MTHFD1L: variants seen among roughly 807,000 people sequenced by gnomAD.
The protein encoded by MTHFD1L is monofunctional C1-tetrahydrofolate synthase, mitochondrial.
MTHFD1L carries 81 observed loss-of-function variants against 119.5 expected under a neutral mutation model. The ratio of observed to expected loss-of-function variants is 0.68; its 90% CI spans 0.57 to 0.82. The LOEUF (loss-of-function observed/expected upper bound fraction) is 0.82, where lower values mean the gene tolerates loss of function less well. Among genes scored for constraint, MTHFD1L ranks in the 40% least tolerant of loss-of-function variants. MTHFD1L has a pLI of 0.00. For synonymous variants in MTHFD1L, 430 were observed against 475.2 expected (o/e 0.90, Z 1.24); for missense variants, 1,125 against 1,253.4 (o/e 0.90, Z 1.55).
At chr6:150,944,265 G>A (rs1351401295) in intron 13 of MTHFD1L, among the ~76,000 whole-genome samples, 1 of 152,174 alleles carries the variant, frequency 6.6e-6, no homozygotes. Context: ...AGGCAACATA[G>A]CAAGACCCCC....
Position 151,039,141 on chromosome 6 carries a change from T to C in MTHFD1L, c.2847+2024T>C, listed in dbSNP as rs1297002088. On this transcript the variant is annotated intron_variant, in intron 26 of 27. Coordinates refer to ENST00000367321, the MANE Select transcript of MTHFD1L (RefSeq NM_015440.5). The surrounding 1 kb of genome is among the most constrained non-coding windows in gnomAD (Gnocchi z 4.4). ...AAACACCCACGTTAATGCAGCCGAC[T>C]CCTAGCAGGGGTGCCTTCCAGGAGG... 1.3e-5 allele frequency among the ~76,000 whole-genome samples: 2 copies of C among 152,104 alleles called. No homozygotes were observed. Among genetic ancestry groups the C allele is most frequent in the Non-Finnish European group, 2.9e-5 (2 of 68,026 alleles).
At chr6:150,914,316 T>C (rs1420682362) in intron 8 of MTHFD1L, among the ~76,000 whole-genome samples, 1 of 152,050 alleles carries the variant, frequency 6.6e-6, no homozygotes, top group Non-Finnish European at 1.5e-5. Context: ...TGTTTTTAAT[T>C]ACTTGTAATT....
chr6:151,054,163 C>T (rs1186495980), intron 26 of MTHFD1L, among the ~76,000 whole-genome samples: 1 of 152,068 alleles, frequency 6.6e-6, no homozygotes, highest in African/African-American at 2.4e-5. Flanking sequence ...TGTTAGTTTT[C>T]ATTTGAGGCA....
intron 26 of MTHFD1L, among the ~76,000 whole-genome samples, chr6:151,054,384 T>G (rs1789557802): frequency 6.6e-6 from 1 of 152,106 alleles, no homozygotes; most frequent in African/African-American, 2.4e-5. Flanking sequence ...TTTGCAGCAT[T>G]GAAAAAACAC....
chr6:150,973,651 G>A (rs1776109584), intron 20 of MTHFD1L, among the ~76,000 whole-genome samples: 1 of 152,188 alleles, frequency 6.6e-6, no homozygotes, highest in African/African-American at 2.4e-5. Flanking sequence ...TAAAATACAT[G>A]TTATCATGGC....
intron 26 of MTHFD1L, among the ~76,000 whole-genome samples, chr6:151,080,566 G>A (rs1424515733): frequency 6.6e-6 from 1 of 152,218 alleles, no homozygotes; most frequent in East Asian, 1.9e-4. Context: ...GGAATTGAAG[G>A]TGCTAAAGCA....
At chr6:151,078,008 G>A (rs1341902676) in intron 26 of MTHFD1L, among the ~76,000 whole-genome samples, 9 of 124,350 alleles carry the variant, frequency 7.2e-5, no homozygotes, top group African/African-American at 2.4e-4. Context: ...AGCCAAGATC[G>A]CGCCACTGCA....
intron 25 of MTHFD1L, among the ~76,000 whole-genome samples, chr6:151,034,897 C>T (rs1265021033): frequency 6.6e-6 from 1 of 152,150 alleles, no homozygotes; most frequent in African/African-American, 2.4e-5. Context: ...CCACTCAGCC[C>T]TGAATGTTGA....
rs540878393 is a variant in MTHFD1L, at chr6:150,922,389, G to A, written c.1082+87G>A. The A allele has an allele frequency of 8.0e-6, 8 of 998,282 alleles. No individual in the cohort carries two copies. The Middle Eastern group carries it at 9.2e-4, about 115-fold the overall frequency. 61.8% of individuals were successfully genotyped at this position (998,282 alleles called of 1,614,324 possible). A position where few individuals can be genotyped will look rare whatever the true frequency, so the allele number is the denominator to read the frequency against. On this transcript the variant is annotated intron_variant, in intron 10 of 27. Transcript: ENST00000367321. Reference sequence around the variant, plus strand: ...TCATGGGGGAGAAGCACAACTCATGGTACTGTGGTTTTGATGGTAGATAAG... The same window carrying A: ...TCATGGGGGAGAAGCACAACTCATGATACTGTGGTTTTGATGGTAGATAAG...
At chr6:150,958,889 A>C (rs1158437400) in intron 17 of MTHFD1L, among the ~76,000 whole-genome samples, 2 of 152,164 alleles carry the variant, frequency 1.3e-5, no homozygotes, top group Non-Finnish European at 1.5e-5. Flanking sequence ...AAGATGTGAA[A>C]TTTTGTAATT....
intron 10 of MTHFD1L, among the ~76,000 whole-genome samples, chr6:150,923,509 CTTTATTTA>C (rs368593673): frequency 0.097 from 11,411 of 117,800 alleles, 813 homozygotes; most frequent in African/African-American, 0.21. Context: ...GTAACTGACA[CTTTATTTA>C]TTTATTTATT....
intron 7 of MTHFD1L, among the ~76,000 whole-genome samples, chr6:150,899,639 T>C (rs992647708): frequency 7.2e-5 from 11 of 152,210 alleles, no homozygotes; most frequent in African/African-American, 2.4e-4. Flanking sequence ...TCAATGTTCA[T>C]TTAATTTCAA....
chr6:151,041,080 A>G (rs964113282), intron 26 of MTHFD1L, among the ~76,000 whole-genome samples: 2 of 152,194 alleles, frequency 1.3e-5, no homozygotes, highest in African/African-American at 2.4e-5. Context: ...GTCAGTGCAC[A>G]GTGATGAAAT....
At chr6:151,071,419 C>T (rs186370381) in intron 26 of MTHFD1L, among the ~76,000 whole-genome samples, 19 of 152,184 alleles carry the variant, frequency 1.2e-4, no homozygotes, top group Admixed American at 8.5e-4. Flanking sequence ...ATGGGCTGAT[C>T]GTACTGCTCT....
chr6:151,061,571 A>G (rs1375103566), intron 26 of MTHFD1L, among the ~76,000 whole-genome samples: 2 of 152,190 alleles, frequency 1.3e-5, no homozygotes, highest in Non-Finnish European at 2.9e-5. Context: ...TTTCCTACAC[A>G]GTAGTGGATT....
chr6:150,944,352 G>A (rs900074757), intron 13 of MTHFD1L, 134 bp from the exon 14 acceptor site: 2 of 670,332 alleles, frequency 3.0e-6, no homozygotes, highest in Non-Finnish European at 2.6e-6. Context: ...GTAGGCTTAG[G>A]TGAGAGGATT....
chr6:150,930,450 C>G (rs758425632), intron 11 of MTHFD1L, among the ~76,000 whole-genome samples: 1 of 152,064 alleles, frequency 6.6e-6, no homozygotes, highest in Non-Finnish European at 1.5e-5. Flanking sequence ...AGAATTATTT[C>G]CTTTTTCTAA....
chr6:151,032,431 C>G lies in MTHFD1L; in HGVS notation c.2587-2062C>G, dbSNP rs965118968. 2.0e-5 allele frequency among the ~76,000 whole-genome samples: 3 copies of G among 152,164 alleles called. No homozygotes were observed. In the East Asian group the frequency reaches 5.8e-4, roughly 29 times the overall value. ...CCTGAGAACTCAGAGTGAGAACTCA[C>G]TCATTATCGTGAGGACAGTACCAAG... On this transcript the variant is annotated intron_variant, in intron 24 of 27. Coordinates refer to ENST00000367321, the MANE Select transcript of MTHFD1L (RefSeq NM_015440.5).
In MTHFD1L at chr6:150,935,372, C is replaced by G. The variant is rs182041583; in HGVS notation, c.1257-1432C>G. 1.0e-3 allele frequency: 1,615 copies of G among 1,613,862 alleles called. 18 individuals carry two copies. In the African/African-American group the frequency reaches 0.019, roughly 19 times the overall value. Reference sequence around the variant, plus strand: ...CCCTGTACTTATAGTTGCTAACAAACAAGACTTGAGGAACTCATTGTCTCT... The same window carrying G: ...CCCTGTACTTATAGTTGCTAACAAAGAAGACTTGAGGAACTCATTGTCTCT... On this transcript the variant is annotated intron_variant, in intron 11 of 27. Transcript: ENST00000367321.
Sources: gnomAD v4.1 joint callset for allele counts (sites outside exome capture counted in the v4.1 genomes callset) on GRCh38, gnomAD v4.1.1 for gene constraint, Gnocchi (gnomAD v3.1) non-coding constraint, MANE v1.5 for transcripts, NCBI Gene and HGNC (gene_info 2026-07-23, HGNC 2026-07-21) for gene names.